Variants in CCDC39 observed in about 807,000 individuals in gnomAD.
The protein encoded by CCDC39 is coiled-coil domain-containing protein 39.
A neutral mutation model predicts 121.0 loss-of-function variants in CCDC39; 113 were observed. That is an observed-to-expected ratio of 0.93 (90% CI 0.80 to 1.09). CCDC39 has a LOEUF of 1.09. CCDC39 is among the 50% of genes least tolerant of loss of function. CCDC39 has a pLI of 0.00. For missense variants in CCDC39, 1,063 were observed against 1,074.7 expected, an observed-to-expected ratio of 0.99 and a Z score of 0.15; for synonymous variants, 349 against 352.2, an observed-to-expected ratio of 0.99 and a Z score of 0.10.
Position 180,615,055 on chromosome 3 carries a change from A to G in CCDC39, c.2692T>C (p.Ser898Pro), listed in dbSNP as rs1206925122. ...SARSSRSTSTSTSQSSIKVLE... is the reference protein window; with the variant it reads ...SARSSRSTSTPTSQSSIKVLE... ...ACTTTAATTGAAGACTGAGAAGTAG[A>G]TGTACTTGTACTCCTAGATGACCTA... The change falls in exon 20 of 20, where the codon TCT (serine) becomes CCT (proline). Residue 898 changes from serine to proline, a missense_variant. Transcript: ENST00000476379. 1 of 1,547,824 alleles carries G rather than the reference A, an allele frequency of 6.5e-7. No individual in the cohort carries two copies. The highest frequency in any genetic ancestry group is 8.7e-7 in the Non-Finnish European group (1 of 1,147,074).
intron 11 of CCDC39, among the ~76,000 whole-genome samples, chr3:180,645,717 T>C (rs1025960246): frequency 6.6e-6 from 1 of 152,164 alleles, no homozygotes; most frequent in African/African-American, 2.4e-5. Context: ...GTTGCTACTA[T>C]TGAAAAGAGC....
chr3:180,625,902 G>GAGT (rs1027693347), intron 14 of CCDC39, among the ~76,000 whole-genome samples: 1 of 151,972 alleles, frequency 6.6e-6, no homozygotes, highest in African/African-American at 2.4e-5. Context: ...TCAGGCCAGA[G>GAGT]AGTAGCTTAT....
rs768877663 is a variant in CCDC39, at chr3:180,644,046, T to A, written c.1665+74A>T. 4 of 1,108,372 alleles carry A rather than the reference T, an allele frequency of 3.6e-6. No individual in the cohort carries two copies. In the African/African-American group the frequency reaches 6.4e-5, roughly 18 times the overall value. The allele number at this position is 1,108,372 out of a possible 1,614,324, so 68.7% of individuals were successfully genotyped here. On this transcript the variant is annotated intron_variant, in intron 12 of 19. Transcript: ENST00000476379. ...ACATTTTCTTTTTCATAATTTGCTA[T>A]ATTTTTTCATTTGTCTACAATTAAC...
At chr3:180,625,349 T>C (rs1205704879) in intron 14 of CCDC39, among the ~76,000 whole-genome samples, 1 of 140,994 alleles carries the variant, frequency 7.1e-6, no homozygotes, top group African/African-American at 2.6e-5. Flanking sequence ...TCTATTTTTC[T>C]TTTTTTTTTT....
intron 7 of CCDC39, among the ~76,000 whole-genome samples, chr3:180,653,024 G>A (rs1020255506): frequency 2.6e-5 from 4 of 152,174 alleles, no homozygotes; most frequent in African/African-American, 9.6e-5. Context: ...AAGATATCCT[G>A]TGTTCATGGA....
intron 9 of CCDC39, among the ~76,000 whole-genome samples, chr3:180,650,228 C>T (rs1445724298): frequency 6.6e-6 from 1 of 152,114 alleles, no homozygotes; most frequent in Non-Finnish European, 1.5e-5. Flanking sequence ...GCTTTAATGC[C>T]ATCAACATGC....
chr3:180,672,603 A>G (rs1712080812), intron 1 of CCDC39, among the ~76,000 whole-genome samples: 1 of 152,140 alleles, frequency 6.6e-6, no homozygotes, highest in Admixed American at 6.5e-5. Flanking sequence ...TCTCAAACAA[A>G]CAAAAAATTA....
intron 13 of CCDC39, among the ~76,000 whole-genome samples, chr3:180,635,790 G>A (rs371678345): frequency 2.0e-5 from 3 of 152,038 alleles, no homozygotes; most frequent in Non-Finnish European, 2.9e-5. Flanking sequence ...GCAAGCTGTC[G>A]TGGCTCAACA....
intron 6 of CCDC39, among the ~76,000 whole-genome samples, chr3:180,657,396 T>C (rs1479433968): frequency 1.3e-5 from 2 of 152,150 alleles, no homozygotes; most frequent in Non-Finnish European, 2.9e-5. Flanking sequence ...ACTTTAGCCA[T>C]GGGGTTGTAT....
At chr3:180,654,461 A>G (rs1158895708) in intron 7 of CCDC39, among the ~76,000 whole-genome samples, 1 of 151,670 alleles carries the variant, frequency 6.6e-6, no homozygotes, top group Non-Finnish European at 1.5e-5. Flanking sequence ...TCAAACTAAA[A>G]ACTTTCTTTA....
At chr3:180,657,563 C>T (rs979110098) in intron 6 of CCDC39, among the ~76,000 whole-genome samples, 2 of 152,142 alleles carry the variant, frequency 1.3e-5, no homozygotes, top group African/African-American at 4.8e-5. Flanking sequence ...CCACTGCACC[C>T]CTTTTATGAG....
At position 180,654,938 on chromosome 3, in the gene CCDC39, TTATCCTTGCTAATTCC is replaced by T; in HGVS notation, c.739-1_753del. The T allele has an allele frequency of 6.4e-7, 1 of 1,561,178 alleles. No individual in the cohort carries two copies. The highest frequency in any genetic ancestry group is 8.6e-7 in the Non-Finnish European group (1 of 1,158,738). On this transcript the variant is annotated splice_acceptor_variant and coding_sequence_variant, in exon 7 of 20. Transcript: ENST00000476379. LOFTEE classifies it high-confidence loss of function. ...TTTTCTTTTTCTCTCGTTTCCTGCTTTATCCTTGCTAATTCCTAGGATTAAAACAAATATGTTTACT... is the reference window on the plus strand; with the variant it reads ...TTTTCTTTTTCTCTCGTTTCCTGCTTTAGGATTAAAACAAATATGTTTACT...
At chr3:180,651,636 GT>G (rs978712627) in intron 8 of CCDC39, 103 bp from the exon 9 acceptor site, 1 of 1,117,222 alleles carries the variant, frequency 9.0e-7, no homozygotes, top group Non-Finnish European at 1.2e-6. Context: ...ACTTGAAGGG[GT>G]TTTTTGCGTA....
intron 1 of CCDC39, among the ~76,000 whole-genome samples, chr3:180,667,119 A>G (rs73885313): frequency 0.039 from 5,880 of 152,232 alleles, 391 homozygotes; most frequent in African/African-American, 0.14. Context: ...CAGCTGGAAG[A>G]TAATTGATAC....
chr3:180,648,710 A>C lies in CCDC39; in HGVS notation c.1168-351T>G, dbSNP rs547338874. 2.6e-5 allele frequency among the ~76,000 whole-genome samples: 4 copies of C among 152,312 alleles called. No individual in the cohort carries two copies. In the South Asian group the frequency reaches 8.3e-4, roughly 32 times the overall value. On this transcript the variant is annotated intron_variant, in intron 9 of 19. Transcript: ENST00000476379. ...ATGCACAGAGTTTCCTAAAGTCTTG[A>C]GGGTGCTATGGGGAAGAAATCACAC...
chr3:180,655,686 A>G (rs1438354627), intron 6 of CCDC39, among the ~76,000 whole-genome samples: 1 of 152,116 alleles, frequency 6.6e-6, no homozygotes, highest in Non-Finnish European at 1.5e-5. Context: ...GGGGTGCAAA[A>G]GGAATATATT....
At chr3:180,672,588 C>G (rs960751497) in intron 1 of CCDC39, among the ~76,000 whole-genome samples, 1 of 152,140 alleles carries the variant, frequency 6.6e-6, no homozygotes, top group Admixed American at 6.5e-5. Flanking sequence ...CAGAATAAGG[C>G]TCCATCTCAA....
At chr3:180,629,267 CAT>C (rs1560083293) in intron 14 of CCDC39, among the ~76,000 whole-genome samples, 1 of 152,184 alleles carries the variant, frequency 6.6e-6, no homozygotes, top group Non-Finnish European at 1.5e-5. Context: ...AGATGCAAAA[CAT>C]ATTAATATAT....
At position 180,616,538 on chromosome 3, in the gene CCDC39, A is replaced by C. The variant is rs747845102; in HGVS notation, c.2564T>G (p.Ile855Ser). ...IIEENTEIRIILQTYFQQSGL... is the reference protein window; with the variant it reads ...IIEENTEIRISLQTYFQQSGL... ...TACCTGTTGAAAGTATGTTTGAAGG[A>C]TAATACGGATCTCAGTATTTTCTTC... Residue 855 changes from isoleucine (I) to serine (S), a missense_variant, in exon 18 of 20, where the codon ATC (isoleucine) becomes AGC (serine). Transcript: ENST00000476379. 10 of 1,576,624 alleles carry C rather than the reference A, an allele frequency of 6.3e-6. No individual in the cohort carries two copies. The highest frequency in any genetic ancestry group is 4.5e-5 in the East Asian group (2 of 44,510).
Sources: gnomAD v4.1 joint callset for allele counts (sites outside exome capture counted in the v4.1 genomes callset) on GRCh38, gnomAD v4.1.1 for gene constraint, MANE v1.5 for transcripts, NCBI Gene and HGNC (gene_info 2026-07-23, HGNC 2026-07-21) for gene names.